The following CRYBG3 variants were observed in gnomAD, a reference collection of about 807,000 sequenced individuals.
The protein encoded by CRYBG3 is crystallin beta-gamma domain containing 3.
Under a neutral mutation model 244.2 loss-of-function variants are expected in CRYBG3, and 127 were observed. The ratio of observed to expected loss-of-function variants is 0.52; its 90% CI spans 0.45 to 0.60. The LOEUF is 0.60. Among genes scored for constraint, CRYBG3 ranks in the 20% least tolerant of loss-of-function variants. The pLI is 0.00. For missense variants in CRYBG3, 3,325 were observed against 3,442.5 expected, an observed-to-expected ratio of 0.97 and a Z score of 0.85; for synonymous variants, 1,132 against 1,195.8, an observed-to-expected ratio of 0.95 and a Z score of 1.10.
chr3:97,889,333 T>G (rs538127928), intron 9 of CRYBG3, 22 bp from the exon 10 acceptor site: 56 of 1,574,496 alleles, frequency 3.6e-5, no homozygotes, highest in Non-Finnish European at 4.7e-5. Context: ...TGTCTAATAT[T>G]AAACTATCTT....
chr3:97,917,247 GA>G (rs1449663355), intron 17 of CRYBG3, among the ~76,000 whole-genome samples: 2 of 88,188 alleles, frequency 2.3e-5, no homozygotes, highest in Admixed American at 2.5e-4. Flanking sequence ...AAAATAAACA[GA>G]GATGTTTTCA....
chr3:97,899,823 T>C (rs2039685716), intron 14 of CRYBG3, among the ~76,000 whole-genome samples: 1 of 152,128 alleles, frequency 6.6e-6, no homozygotes, highest in Admixed American at 6.5e-5. Flanking sequence ...TGTAGAAGAG[T>C]GTGGCCAGTT....
At position 97,933,798 on chromosome 3, in the gene CRYBG3, C is replaced by T; in HGVS notation, c.8346C>T (p.His2782=). 6.2e-7 allele frequency: 1 copy of T among 1,612,840 alleles called. No homozygotes were observed. Among genetic ancestry groups the T allele is most frequent in the African/African-American group, 1.3e-5 (1 of 74,952 alleles). ...AVNSVLNKDL[H]FYTQSVWVKS... ...ACTCTGTTCTGAACAAGGACCTACA[C>T]TTCTACACCCAGTCTGTGTGGGTAA... Residue 2782 remains histidine, a synonymous_variant, in exon 18 of 22, where the codon CAC becomes CAT. Coordinates refer to ENST00000389622, the MANE Select transcript of CRYBG3 (RefSeq NM_153605.4).
At chr3:97,853,652 T>C (rs2039021529) in intron 2 of CRYBG3, among the ~76,000 whole-genome samples, 1 of 152,206 alleles carries the variant, frequency 6.6e-6, no homozygotes, top group Non-Finnish European at 1.5e-5. Flanking sequence ...CCATAATGAT[T>C]GTACTAGTTT....
At chr3:97,913,377 G>T (rs907396901) in intron 16 of CRYBG3, among the ~76,000 whole-genome samples, 1 of 152,126 alleles carries the variant, frequency 6.6e-6, no homozygotes, top group African/African-American at 2.4e-5. Context: ...TAAAGAATCA[G>T]ATAGTGAATA....
At chr3:97,941,368 A>G (rs1289564087) in intron 20 of CRYBG3, 62 bp downstream of exon 20, 2 of 1,188,992 alleles carry the variant, frequency 1.7e-6, no homozygotes, top group Non-Finnish European at 2.3e-6. Context: ...TGAAAACTAG[A>G]ATCCTGTCAA....
chr3:97,885,269 A>G (rs2039494482), intron 7 of CRYBG3, among the ~76,000 whole-genome samples: 1 of 152,198 alleles, frequency 6.6e-6, no homozygotes, highest in African/African-American at 2.4e-5. Flanking sequence ...TATATTAATA[A>G]GAATGATTGA....
chr3:97,876,273 C>A lies in CRYBG3; in HGVS notation c.5079C>A (p.Ile1693=). Residue 1693 remains isoleucine, a synonymous_variant, in exon 4 of 22, where the codon ATC becomes ATA. Coordinates refer to ENST00000389622, the MANE Select transcript of CRYBG3 (RefSeq NM_153605.4). ...GTIALSEVEN[I]HQKGGEGISE... is the part of the protein sequence containing the mutation. ...TAGCCTTGTCAGAAGTGGAAAATAT[C>A]CACCAAAAAGGTGGTGAAGGGATTA... 8.1e-7 allele frequency: 1 copy of A among 1,231,728 alleles called. No individual in the cohort carries two copies. Among genetic ancestry groups the A allele is most frequent in the Non-Finnish European group, 1.0e-6 (1 of 987,876 alleles). The allele number at this position is 1,231,728 out of a possible 1,614,324, so 76.3% of individuals were successfully genotyped here. A position where few individuals can be genotyped will look rare whatever the true frequency, so the allele number is the denominator to read the frequency against.
intron 4 of CRYBG3, among the ~76,000 whole-genome samples, chr3:97,878,574 A>G (rs550199900): frequency 1.3e-5 from 2 of 152,386 alleles, no homozygotes; most frequent in South Asian, 4.1e-4. Flanking sequence ...AAAGCATAAT[A>G]CTGAAGCAAG....
At chr3:97,841,501 AT>A (rs1191796514) in intron 1 of CRYBG3, among the ~76,000 whole-genome samples, 1 of 151,416 alleles carries the variant, frequency 6.6e-6, no homozygotes, top group Non-Finnish European at 1.5e-5. Context: ...TTTTGTTTCC[AT>A]TTTTTGACCA....
Position 97,872,940 on chromosome 3 carries a change from A to G in CRYBG3, c.1746A>G (p.Arg582=). ...CACATGATAAAATTCCTCATATTAG[A>G]ATGAATAAAAAAGACCTGGCCTCTT... ...FRSHDKIPHI[R]MNKKDLASLN... The change falls in exon 4 of 22, where the codon AGA becomes AGG. Residue 582 remains arginine (R), a synonymous_variant. Transcript: ENST00000389622. 1 of 1,530,632 alleles carries G rather than the reference A, an allele frequency of 6.5e-7. No individual in the cohort carries two copies. The highest frequency in any genetic ancestry group is 8.7e-7 in the Non-Finnish European group (1 of 1,145,604). The allele number at this position is 1,530,632 out of a possible 1,614,324, so 94.8% of individuals were successfully genotyped here.
Position 97,944,431 on chromosome 3 carries a change from A to G in CRYBG3, c.*1117A>G, listed in dbSNP as rs1057067900. On this transcript the variant is annotated 3_prime_UTR_variant, in exon 22 of 22. Transcript: ENST00000389622. Reference sequence around the variant, plus strand: ...CCTTTTATCCCCAACTTTTGCCAGAAAGCAGAAAAATGCTCTATTTTTATA... The same window carrying G: ...CCTTTTATCCCCAACTTTTGCCAGAGAGCAGAAAAATGCTCTATTTTTATA... The G allele has an allele frequency of 6.6e-6, 1 of 152,332 alleles. No individual in the cohort carries two copies. Among genetic ancestry groups the G allele is most frequent in the Non-Finnish European group, 1.5e-5 (1 of 67,892 alleles). The allele number at this position is 152,332 out of a possible 1,614,324, so 9.4% of individuals were successfully genotyped here.
In CRYBG3 at chr3:97,877,233, T is replaced by C; in HGVS notation, c.6039T>C (p.Tyr2013=). ...YEEPLQEEDK[Y]ASAEARQTQS... is the part of the protein sequence containing the mutation. ...AGCCCCTTCAAGAGGAGGACAAGTA[T>C]GCTTCCGCAGAAGCAAGACAAACAC... is the stretch of plus-strand genomic sequence containing the variant. The change falls in exon 4 of 22, where the codon TAT becomes TAC. Residue 2013 remains tyrosine, a synonymous_variant. Coordinates refer to ENST00000389622, the MANE Select transcript of CRYBG3 (RefSeq NM_153605.4). The C allele has an allele frequency of 6.2e-7, 1 of 1,613,952 alleles. No individual in the cohort carries two copies. The highest frequency in any genetic ancestry group is 8.5e-7 in the Non-Finnish European group (1 of 1,179,848).
At chr3:97,881,019 C>T (rs1031527391) in intron 6 of CRYBG3, 53 bp from the exon 7 acceptor site, 6 of 1,416,810 alleles carry the variant, frequency 4.2e-6, no homozygotes, top group African/African-American at 1.5e-5. Context: ...ACTTATATGC[C>T]TTATTTCTTA....
chr3:97,867,810 C>G (rs1209488023), intron 3 of CRYBG3, among the ~76,000 whole-genome samples: 1 of 152,096 alleles, frequency 6.6e-6, no homozygotes, highest in Non-Finnish European at 1.5e-5. Context: ...ATGGTAACTT[C>G]CTTGTGAAAG....
chr3:97,828,967 C>T (rs993908256), intron 1 of CRYBG3, among the ~76,000 whole-genome samples: 10 of 151,578 alleles, frequency 6.6e-5, no homozygotes, highest in African/African-American at 2.2e-4. Context: ...TGTTGCATAA[C>T]TTATTTTGGG....
chr3:97,916,323 T>G (rs562335316), intron 17 of CRYBG3, among the ~76,000 whole-genome samples: 50 of 152,300 alleles, frequency 3.3e-4, no homozygotes, highest in African/African-American at 1.1e-3. Flanking sequence ...AACCTGTTTT[T>G]GGGAACCAGG....
chr3:97,888,579 C>T (rs996486986), intron 9 of CRYBG3, 124 bp downstream of exon 9: 3 of 700,024 alleles, frequency 4.3e-6, no homozygotes, highest in Middle Eastern at 3.0e-4. Flanking sequence ...AATTGGCAAA[C>T]TATTGTACTG....
At chr3:97,890,242 G>T (rs2039560364) in intron 10 of CRYBG3, among the ~76,000 whole-genome samples, 1 of 152,096 alleles carries the variant, frequency 6.6e-6, no homozygotes, top group Non-Finnish European at 1.5e-5. Context: ...CTTGAGCCTG[G>T]GCTGCACTCC....
Sources: allele counts gnomAD v4.1 joint callset (sites outside exome capture counted in the v4.1 genomes callset), GRCh38; gene constraint gnomAD v4.1.1; transcripts MANE v1.5; gene names NCBI Gene and HGNC (gene_info 2026-07-23, HGNC 2026-07-21).